Variants in TENM4 observed in about 807,000 individuals in gnomAD.
TENM4 encodes teneurin transmembrane protein 4, also known as teneurin-4.
TENM4 carries 82 observed loss-of-function variants against 243.3 expected under a neutral mutation model. That is an observed-to-expected ratio of 0.34 (90% CI 0.28 to 0.40). The LOEUF (loss-of-function observed/expected upper bound fraction) is 0.40, where lower values mean the gene tolerates loss of function less well. Ranked by LOEUF, TENM4 falls within the 10% of genes least tolerant of loss-of-function variation. The pLI is 1.00. For synonymous variants in TENM4, 1,412 were observed against 1,456.3 expected, an observed-to-expected ratio of 0.97 and a Z score of 0.69; for missense variants, 3,138 against 3,673.3, an observed-to-expected ratio of 0.85 and a Z score of 3.77.
At chr11:79,247,930 C>T (rs1855548391) in intron 2 of TENM4, among the ~76,000 whole-genome samples, 1 of 152,198 alleles carries the variant, frequency 6.6e-6, no homozygotes, top group Admixed American at 6.5e-5. Flanking sequence ...AAGGGCAATA[C>T]ACATAGAGTA....
chr11:79,138,252 G>C (rs940552707), intron 4 of TENM4, among the ~76,000 whole-genome samples: 2 of 143,946 alleles, frequency 1.4e-5, no homozygotes, highest in East Asian at 4.0e-4. Context: ...TCTTCAGCCT[G>C]CAGATGGCCT....
At chr11:78,883,817 G>T (rs1217166765) in intron 9 of TENM4, among the ~76,000 whole-genome samples, 1 of 152,192 alleles carries the variant, frequency 6.6e-6, no homozygotes, top group Admixed American at 6.5e-5. Flanking sequence ...TGCAGCTGAC[G>T]ATTCTTCTTG....
At position 78,712,533 on chromosome 11, in the gene TENM4, G is replaced by A. The variant is rs1277524987; in HGVS notation, c.4003C>T (p.Arg1335Cys). ...GTGGCCTTCCCACCATCCCCGCAGC[G>A]AGTGTCATCAAAGGGGAGGCACTGG... ...GDQCLPFDDT[R>C]CGDGGKATEA... Residue 1335 changes from arginine to cysteine, a missense_variant, in exon 26 of 34, where the codon CGC becomes TGC. Physicochemically the swap from Arg to Cys is radical, Grantham distance 180. Around this residue, in one of 2 missense-constraint regions of TENM4, gnomAD observed 2,467 missense variants for 3,059.1 expected, o/e 0.81. Coordinates refer to ENST00000278550, the MANE Select transcript of TENM4 (RefSeq NM_001098816.3). 6 of 1,613,844 alleles carry A rather than the reference G, an allele frequency of 3.7e-6. No homozygotes were observed. Among genetic ancestry groups the A allele is most frequent in the Non-Finnish European group, 4.2e-6 (5 of 1,179,898 alleles).
chr11:78,948,797 G>C (rs908195109), intron 6 of TENM4, among the ~76,000 whole-genome samples: 1 of 152,172 alleles, frequency 6.6e-6, no homozygotes, highest in African/African-American at 2.4e-5. Flanking sequence ...ATACTCATCA[G>C]TCCTTTTGTT....
At chr11:79,080,948 T>A in intron 4 of TENM4, among the ~76,000 whole-genome samples, 1 of 152,182 alleles carries the variant, frequency 6.6e-6, no homozygotes, top group East Asian at 1.9e-4. Context: ...GGCTGATTAA[T>A]CACACGTCCC....
chr11:79,138,091 C>T (rs980999653), intron 4 of TENM4, among the ~76,000 whole-genome samples: 1 of 151,476 alleles, frequency 6.6e-6, no homozygotes, highest in Admixed American at 6.6e-5. Flanking sequence ...CAGTTGCCAG[C>T]ATGGCTAGAA....
chr11:79,026,915 T>C (rs994943867), intron 6 of TENM4, among the ~76,000 whole-genome samples: 1 of 152,182 alleles, frequency 6.6e-6, no homozygotes, highest in Non-Finnish European at 1.5e-5. Context: ...GGCCACTCTA[T>C]ATAGATTCTA....
intron 3 of TENM4, among the ~76,000 whole-genome samples, chr11:79,200,030 A>C (rs951411638): frequency 2.0e-5 from 3 of 152,188 alleles, no homozygotes; most frequent in Non-Finnish European, 2.9e-5. Context: ...CACCTTGGAA[A>C]AAACTGACTG....
At chr11:79,193,031 G>A (rs7108337) in intron 3 of TENM4, 26,384 of 152,338 alleles carry the variant, frequency 0.17, 3,053 homozygotes, top group Non-Finnish European at 0.25. Flanking sequence ...GCCTCCCAGC[G>A]CCCAGGACCC....
intron 28 of TENM4, among the ~76,000 whole-genome samples, chr11:78,690,620 A>G (rs1204889172): frequency 6.6e-6 from 1 of 152,146 alleles, no homozygotes; most frequent in African/African-American, 2.4e-5. Flanking sequence ...GGCAAGTTGA[A>G]GATAACAATT....
intron 1 of TENM4, among the ~76,000 whole-genome samples, chr11:79,317,645 T>C (rs564108856): frequency 1.3e-5 from 2 of 152,210 alleles, no homozygotes; most frequent in Non-Finnish European, 1.5e-5. Context: ...CAAGGTCATA[T>C]GGCATATCAG....
At position 78,757,007 on chromosome 11, in the gene TENM4, A is replaced by G. The variant is rs745891961; in HGVS notation, c.2554T>C (p.Cys852Arg). 1.2e-6 allele frequency: 2 copies of G among 1,613,884 alleles called. No homozygotes were observed. The highest frequency in any genetic ancestry group is 1.7e-6 in the Non-Finnish European group (2 of 1,179,864). ...KDNDGDGLVD[C>R]MDPDCCLQPL... ...TGGAGGCAGCAGTCAGGGTCCATGC[A>G]GTCCACCAGGCCATCTGCAGGAGTG... The change falls in exon 19 of 34, where the codon TGC becomes CGC. Residue 852 changes from cysteine to arginine, a missense_variant. Physicochemically the swap from Cys to Arg is radical, Grantham distance 180. Around this residue, in one of 2 missense-constraint regions of TENM4, gnomAD observed 2,467 missense variants for 3,059.1 expected, o/e 0.81. Coordinates refer to ENST00000278550, the MANE Select transcript of TENM4 (RefSeq NM_001098816.3).
intron 1 of TENM4, among the ~76,000 whole-genome samples, chr11:79,351,019 T>C (rs2135477603): frequency 6.6e-6 from 1 of 152,188 alleles, no homozygotes. Context: ...TCCCCGGCCA[T>C]ACTCTCCTTC....
chr11:79,384,000 C>G (rs568283204), intron 1 of TENM4, among the ~76,000 whole-genome samples: 2 of 152,168 alleles, frequency 1.3e-5, no homozygotes, highest in Admixed American at 6.5e-5. Flanking sequence ...AACCTGCCCC[C>G]CCTTCCTTTC....
At chr11:78,931,650 G>C (rs1565131621) in intron 6 of TENM4, among the ~76,000 whole-genome samples, 1 of 152,210 alleles carries the variant, frequency 6.6e-6, no homozygotes, top group East Asian at 1.9e-4. Flanking sequence ...TAGAGTATCT[G>C]GTTAAGTGGC....
At chr11:79,347,061 G>A (rs1857337614) in intron 1 of TENM4, among the ~76,000 whole-genome samples, 1 of 152,170 alleles carries the variant, frequency 6.6e-6, no homozygotes, top group South Asian at 2.1e-4. Flanking sequence ...CATCACTAGG[G>A]ATGCATCTTA....
At chr11:78,911,803 A>G (rs1330117518) in intron 6 of TENM4, among the ~76,000 whole-genome samples, 1 of 152,164 alleles carries the variant, frequency 6.6e-6, no homozygotes, top group East Asian at 1.9e-4. Flanking sequence ...CTAGCTTCCA[A>G]ATGTAAGAAG....
chr11:79,058,873 C>T (rs1436342606), intron 6 of TENM4, among the ~76,000 whole-genome samples: 1 of 152,142 alleles, frequency 6.6e-6, no homozygotes, highest in Non-Finnish European at 1.5e-5. Flanking sequence ...ACCTAACTTC[C>T]CATTCTAGAA....
rs1855569503 is a variant in TENM4 at position 78,887,344 on chromosome 11, C to T, written c.1084+2441G>A. ...AACATCACCTTTCCCAGGAAGCCTT[C>T]CCTACTCCTCTTGGCTGGGGTTGGG... On this transcript the variant is annotated intron_variant, in intron 9 of 33. Transcript: ENST00000278550. 5.3e-5 allele frequency among the ~76,000 whole-genome samples: 8 copies of T among 152,320 alleles called. No homozygotes were observed. In the South Asian group the frequency reaches 1.7e-3, roughly 32 times the overall value.
Sources: allele counts gnomAD v4.1 joint callset (sites outside exome capture counted in the v4.1 genomes callset), GRCh38; gene constraint gnomAD v4.1.1; regional missense constraint gnomAD v4.1.1; transcripts MANE v1.5; gene names NCBI Gene and HGNC (gene_info 2026-07-23, HGNC 2026-07-21).